Variants in FBXO34 observed in about 807,000 individuals in gnomAD.
FBXO34 encodes the protein F-box protein 34, also known as F-box only protein 34.
Under a neutral mutation model 24.5 loss-of-function variants are expected in FBXO34, and 12 were observed. The observed-to-expected ratio is 0.49, with a 90% confidence interval of 0.31 to 0.79. The LOEUF (loss-of-function observed/expected upper bound fraction) is 0.79. FBXO34 is among the 30% of genes least tolerant of loss of function. The pLI, the probability that FBXO34 is intolerant of heterozygous loss-of-function variation, is 0.04. For missense variants in FBXO34, 823 were observed against 857.7 expected (o/e 0.96, Z 0.51); for synonymous variants, 320 against 311.9 (o/e 1.03, Z -0.27).
Position 55,284,515 on chromosome 14 carries a change from A to G in FBXO34, c.-11+12978A>G, listed in dbSNP as rs1296514528. 3.8e-3 allele frequency among the ~76,000 whole-genome samples: 542 copies of G among 143,284 alleles called. 13 individuals are homozygous for G. The highest frequency in any genetic ancestry group is 7.2e-3 in the Middle Eastern group (2 of 276). 94.0% of individuals were successfully genotyped at this position (143,284 alleles called of 152,430 possible). A position where few individuals can be genotyped will look rare whatever the true frequency, so the allele number is the denominator to read the frequency against. On this transcript the variant is annotated intron_variant, in intron 1 of 1. Transcript: ENST00000313833. ...CAACAAGAGTGAACCTCTGTCTCCAAAAAAAAAAAAAAAAAAAGTGAATGA... is the reference window on the plus strand; with the variant it reads ...CAACAAGAGTGAACCTCTGTCTCCAGAAAAAAAAAAAAAAAAAGTGAATGA...
chr14:55,319,767 C>T (rs545923658), intron 1 of FBXO34, among the ~76,000 whole-genome samples: 1 of 152,280 alleles, frequency 6.6e-6, no homozygotes, highest in African/African-American at 2.4e-5. Context: ...GCTCTGCCTC[C>T]CGGGTTTACG....
chr14:55,429,574 G>T, the FBXO34 span, among the ~76,000 whole-genome samples: 1 of 152,056 alleles, frequency 6.6e-6, no homozygotes, highest in Non-Finnish European at 1.5e-5. Flanking sequence ...GACCGGCCTG[G>T]CCAACATGAT....
At chr14:55,394,431 TAA>T in the FBXO34 span, among the ~76,000 whole-genome samples, 1 of 152,222 alleles carries the variant, frequency 6.6e-6, no homozygotes, top group African/African-American at 2.4e-5. Flanking sequence ...AATTCTTTTT[TAA>T]AGTTATTCCA....
the FBXO34 span, among the ~76,000 whole-genome samples, chr14:55,392,172 C>T: frequency 2.0e-5 from 3 of 152,240 alleles, no homozygotes; most frequent in Non-Finnish European, 2.9e-5. Flanking sequence ...TAATAGAGTT[C>T]GCACTCCTAT....
intron 1 of FBXO34, among the ~76,000 whole-genome samples, chr14:55,331,127 C>G (rs1230585226): frequency 6.6e-6 from 1 of 152,126 alleles, no homozygotes; most frequent in Admixed American, 6.5e-5. Flanking sequence ...AGAAAATTCA[C>G]CAAGGTTACA....
At chr14:55,422,252 G>A in the FBXO34 span, among the ~76,000 whole-genome samples, 1 of 152,120 alleles carries the variant, frequency 6.6e-6, no homozygotes, top group Non-Finnish European at 1.5e-5. Flanking sequence ...ACATAAACTT[G>A]GCATTCATTA....
intron 1 of FBXO34, among the ~76,000 whole-genome samples, chr14:55,300,350 TA>T (rs1280713574): frequency 6.6e-6 from 1 of 152,162 alleles, no homozygotes; most frequent in African/African-American, 2.4e-5. Context: ...CCCAGCACTT[TA>T]GGAGGCTGAG....
At chr14:55,336,979 ATTTT>A (rs10573228) in intron 1 of FBXO34, among the ~76,000 whole-genome samples, 1 of 136,946 alleles carries the variant, frequency 7.3e-6, no homozygotes. Flanking sequence ...TTTTTATTTT[ATTTT>A]TTTTTTTTTT....
chr14:55,376,480 T>C, the FBXO34 span, among the ~76,000 whole-genome samples: 7 of 152,236 alleles, frequency 4.6e-5, no homozygotes, highest in African/African-American at 1.4e-4. Context: ...TGGCACAACA[T>C]TGTAAGTATA....
At chr14:55,382,150 G>T in the FBXO34 span, 8 of 1,614,136 alleles carry the variant, frequency 5.0e-6, no homozygotes, top group Non-Finnish European at 6.8e-6. Context: ...AGTGCTGGAG[G>T]TCATGGCACT....
At chr14:55,279,638 G>A (rs1263141975) in intron 1 of FBXO34, among the ~76,000 whole-genome samples, 1 of 152,220 alleles carries the variant, frequency 6.6e-6, no homozygotes, top group Non-Finnish European at 1.5e-5. Flanking sequence ...CTTCCTAGAA[G>A]TTCAAGAAAT....
the FBXO34 span, among the ~76,000 whole-genome samples, chr14:55,390,478 A>T: frequency 6.3e-3 from 956 of 152,092 alleles, 11 homozygotes; most frequent in African/African-American, 0.022. Flanking sequence ...GGTTCACACC[A>T]TTCTCCTGCC....
In FBXO34 at chr14:55,352,736, A is replaced by C; in HGVS notation, c.*210A>C. ...GTTTATAGTGGCATCTCATGTTTGAACCCGGGTGGTATCCCACAGTTGGAT... is the reference window on the plus strand; with the variant it reads ...GTTTATAGTGGCATCTCATGTTTGACCCCGGGTGGTATCCCACAGTTGGAT... On this transcript the variant is annotated 3_prime_UTR_variant, in exon 2 of 2. Transcript: ENST00000313833. 1 of 512,066 alleles carries C rather than the reference A, an allele frequency of 2.0e-6. No homozygotes were observed. The highest frequency in any genetic ancestry group is 3.5e-5 in the South Asian group (1 of 28,384). 31.7% of individuals were successfully genotyped at this position (512,066 alleles called of 1,614,324 possible). A position where few individuals can be genotyped will look rare whatever the true frequency, so the allele number is the denominator to read the frequency against.
At chr14:55,428,648 A>G in the FBXO34 span, among the ~76,000 whole-genome samples, 4 of 151,988 alleles carry the variant, frequency 2.6e-5, no homozygotes, top group Admixed American at 2.6e-4. Flanking sequence ...GTGGTAACCT[A>G]TGAGAACTCA....
Position 55,350,485 on chromosome 14 carries a change from CTG to C in FBXO34, c.97_98del (p.Val33LysfsTer2). On this transcript the variant is annotated frameshift_variant, in exon 2 of 2. Coordinates refer to ENST00000313833, the MANE Select transcript of FBXO34 (RefSeq NM_017943.4). LOFTEE classifies it low-confidence loss of function (END_TRUNC). ...AGAACTCCTATGAACCACCAAAAGG[CTG>C]TAAATGATGAAACATGCAAAGCTAG... 6.2e-7 allele frequency: 1 copy of C among 1,613,896 alleles called. No homozygotes were observed. Among genetic ancestry groups the C allele is most frequent in the Non-Finnish European group, 8.5e-7 (1 of 1,179,976 alleles).
At chr14:55,364,575 C>T (rs1421465278), downstream of FBXO34, among the ~76,000 whole-genome samples, 1 of 151,894 alleles carries the variant, frequency 6.6e-6, no homozygotes, top group Non-Finnish European at 1.5e-5. Context: ...CAGGCATGCA[C>T]CACGACACCT....
At chr14:55,395,826 A>C in the FBXO34 span, 1 of 642,398 alleles carries the variant, frequency 1.6e-6, no homozygotes, top group Non-Finnish European at 2.3e-6. Flanking sequence ...AAGTGGATTA[A>C]GTAGAGGACT....
intron 1 of FBXO34, among the ~76,000 whole-genome samples, chr14:55,294,092 C>G (rs745504091): frequency 6.6e-5 from 10 of 151,980 alleles, no homozygotes; most frequent in Non-Finnish European, 1.2e-4. Context: ...TACTGATCAC[C>G]CTACTTAAAA....
the FBXO34 span, among the ~76,000 whole-genome samples, chr14:55,437,370 G>A: frequency 6.6e-6 from 1 of 152,164 alleles, no homozygotes; most frequent in Admixed American, 6.5e-5. Context: ...CCCAGCTACT[G>A]GGGAGGCTGA....
Sources: allele counts gnomAD v4.1 joint callset (sites outside exome capture counted in the v4.1 genomes callset), GRCh38; gene constraint gnomAD v4.1.1; transcripts MANE v1.5; gene names NCBI Gene and HGNC (gene_info 2026-07-23, HGNC 2026-07-21).